PCLAF: variants seen among roughly 807,000 people sequenced by gnomAD.
PCLAF encodes the protein PCNA-associated factor.
Under a neutral mutation model 15.1 loss-of-function variants are expected in PCLAF, and 12 were observed. The observed-to-expected ratio is 0.79, with a 90% CI of 0.51 to 1.29. The LOEUF is 1.29. Ranked by LOEUF, PCLAF falls within the 50% of genes most tolerant of loss-of-function variation. The pLI is 0.00. For synonymous variants in PCLAF, 33 were observed against 47.1 expected (o/e 0.70, Z 1.22); for missense variants, 116 against 130.9 (o/e 0.89, Z 0.56).
In PCLAF at chr15:64,376,776, G is replaced by C. The variant is rs1222183466; in HGVS notation, c.257C>G (p.Ala86Gly). ...TGCTTTTCCTAAGCCACTGCTTCCT[G>C]CCTCTTCAGGAATCTGATTCTCTTT... is the stretch of plus-strand genomic sequence containing the variant. ...SEKENQIPEE[A>G]GSSGLGKAKR... The change falls in exon 3 of 4, where the codon GCA (alanine) becomes GGA (glycine). Residue 86 changes from alanine to glycine, a missense_variant. Physicochemically the swap from Ala to Gly is moderately conservative, Grantham distance 60. Transcript: ENST00000300035. 1.2e-6 allele frequency: 2 copies of C among 1,613,506 alleles called. No individual in the cohort carries two copies. Among genetic ancestry groups the C allele is most frequent in the Non-Finnish European group, 1.7e-6 (2 of 1,179,642 alleles).
chr15:64,377,563 G>A (rs1899661230), intron 2 of PCLAF, among the ~76,000 whole-genome samples: 2 of 112,300 alleles, frequency 1.8e-5, no homozygotes, highest in African/African-American at 3.4e-5. Context: ...ACATACTGAA[G>A]TTTGACACAC....
At chr15:64,382,600 A>T (rs1251900597), upstream of PCLAF, 1 of 153,344 alleles carries the variant, frequency 6.5e-6, no homozygotes, top group Non-Finnish European at 1.5e-5. Flanking sequence ...AAGGGTCATA[A>T]TTTTTTTCTA....
chr15:64,384,228 G>A (rs535010249), upstream of PCLAF, among the ~76,000 whole-genome samples: 3 of 152,100 alleles, frequency 2.0e-5, no homozygotes, highest in Non-Finnish European at 2.9e-5. Context: ...TCTGTCTCCC[G>A]GTTCAAGCAA....
chr15:64,374,072 A>G (rs1899479005), intron 3 of PCLAF, among the ~76,000 whole-genome samples: 1 of 152,152 alleles, frequency 6.6e-6, no homozygotes, highest in African/African-American at 2.4e-5. Flanking sequence ...AGGGTATGAG[A>G]AGAGGTTTTT....
At chr15:64,370,700 C>T (rs1402396544) in intron 3 of PCLAF, among the ~76,000 whole-genome samples, 1 of 151,908 alleles carries the variant, frequency 6.6e-6, no homozygotes, top group African/African-American at 2.4e-5. Context: ...GGCTTCTATA[C>T]ATCAAGGCAG....
At chr15:64,373,722 T>A in intron 3 of PCLAF, 1 of 1,535,836 alleles carries the variant, frequency 6.5e-7, no homozygotes, top group East Asian at 2.4e-5. Context: ...GTGCCGTGTG[T>A]CCAGCTTGCT....
In PCLAF at chr15:64,381,006, C is replaced by G. The variant is rs567110586; in HGVS notation, c.79G>C (p.Gly27Arg). 1 of 1,614,116 alleles carries G rather than the reference C, an allele frequency of 6.2e-7. No homozygotes were observed. The highest frequency in any genetic ancestry group is 1.3e-5 in the African/African-American group (1 of 75,048). The part of the protein sequence containing the change: ...VAARAPRKVL[G>R]SSTSATNSTS... ...GAATTAGTGGCAGAGGTGGAAGAACCAAGCACCTTTCTGGGGGCTCGAGCA... is the reference window on the plus strand; with the variant it reads ...GAATTAGTGGCAGAGGTGGAAGAACGAAGCACCTTTCTGGGGGCTCGAGCA... The change falls in exon 2 of 4, where the codon GGT (glycine) becomes CGT (arginine). Residue 27 changes from glycine to arginine, a missense_variant. By Grantham distance (125) the Gly-to-Arg change is moderately radical. Coordinates refer to ENST00000300035, the MANE Select transcript of PCLAF (RefSeq NM_014736.6).
intron 1 of PCLAF, 79 bp downstream of exon 1, chr15:64,381,247 G>C: frequency 1.3e-6 from 2 of 1,528,672 alleles, no homozygotes; most frequent in Non-Finnish European, 1.8e-6. Flanking sequence ...GGCCCAGGGG[G>C]ACCTCTGGCG....
At chr15:64,371,240 T>C (rs1279465127) in intron 3 of PCLAF, among the ~76,000 whole-genome samples, 1 of 151,052 alleles carries the variant, frequency 6.6e-6, no homozygotes, top group Non-Finnish European at 1.5e-5. Context: ...AGTGCTGGGA[T>C]TACAGGCGTG....
At chr15:64,372,388 G>C (rs926884472) in intron 3 of PCLAF, among the ~76,000 whole-genome samples, 5 of 152,102 alleles carry the variant, frequency 3.3e-5, no homozygotes, top group African/African-American at 1.2e-4. Context: ...GCCGAGGCGG[G>C]TGGATCACAA....
At chr15:64,377,040 G>T in intron 2 of PCLAF, 135 bp from the exon 3 acceptor site, 1 of 672,696 alleles carries the variant, frequency 1.5e-6, no homozygotes, top group Non-Finnish European at 2.4e-6. Flanking sequence ...ACAACTTAAA[G>T]AATTAGAAAA....
chr15:64,367,261 C>T (rs989102878), intron 3 of PCLAF, among the ~76,000 whole-genome samples: 1 of 151,914 alleles, frequency 6.6e-6, no homozygotes, highest in East Asian at 2.0e-4. Flanking sequence ...CTCAGCACTT[C>T]GGGAGGCCGA....
rs1899795238 is a variant in PCLAF at position 64,380,960 on chromosome 15, T to C, written c.125A>G (p.Lys42Arg). The change falls in exon 2 of 4, where the codon AAA becomes AGA. Residue 42 changes from lysine to arginine, a missense_variant and splice_region_variant. Lys to Arg is a conservative substitution (Grantham distance 26, BLOSUM62 2). Coordinates refer to ENST00000300035, the MANE Select transcript of PCLAF (RefSeq NM_014736.6). ...ATNSTSVSSR[K>R]AENKYAGGNP... ...AACTTTAGGAGGGCTCTTCTTACCTTTCCTCGATGAAACTGATGTCGAATT... is the reference window on the plus strand; with the variant it reads ...AACTTTAGGAGGGCTCTTCTTACCTCTCCTCGATGAAACTGATGTCGAATT... 3.7e-6 allele frequency: 6 copies of C among 1,613,976 alleles called. 1 individual carries two copies. Among genetic ancestry groups the C allele is most frequent in the Middle Eastern group, 3.3e-4 (2 of 6,060 alleles).
chr15:64,382,823 TAAAAATA>T, upstream of PCLAF: 2 of 280,854 alleles, frequency 7.1e-6, no homozygotes, highest in East Asian at 1.4e-4. Context: ...AAAATAAAAA[TAAAAATA>T]AAAAATAAAA....
exon 1 of PCLAF, chr15:64,387,448 G>T (rs1373778194): frequency 2.8e-5 from 34 of 1,234,722 alleles, no homozygotes; most frequent in Non-Finnish European, 3.3e-5. Flanking sequence ...AAAACTTACA[G>T]CGCTTACAAT....
At chr15:64,372,403 A>G (rs1299041347) in intron 3 of PCLAF, among the ~76,000 whole-genome samples, 1 of 152,020 alleles carries the variant, frequency 6.6e-6, no homozygotes, top group Admixed American at 6.6e-5. Flanking sequence ...TCACAAGGTC[A>G]GGAGATCAAG....
intron 2 of PCLAF, among the ~76,000 whole-genome samples, chr15:64,380,048 A>C (rs1330991001): frequency 1.3e-5 from 2 of 152,180 alleles, no homozygotes; most frequent in Non-Finnish European, 2.9e-5. Flanking sequence ...GGGGGCTTTT[A>C]AATAGCCTCT....
chr15:64,376,703 G>C, intron 3 of PCLAF, 40 bp downstream of exon 3: 1 of 1,544,904 alleles, frequency 6.5e-7, no homozygotes, highest in Non-Finnish European at 8.9e-7. Context: ...ACAGGCGTGA[G>C]ATAAATATTT....
Position 64,376,854 on chromosome 15 carries a change from T to C in PCLAF, c.179A>G (p.Lys60Arg), listed in dbSNP as rs994677332. 3.7e-6 allele frequency: 6 copies of C among 1,613,942 alleles called. No individual in the cohort carries two copies. The highest frequency in any genetic ancestry group is 1.6e-4 in the Middle Eastern group (1 of 6,084). ...GNPVCVRPTP[K>R]WQKGIGEFFR... is the part of the protein sequence containing the mutation. ...GAATTCTCCAATTCCTTTTTGCCAC[T>C]TGGGAGTTGGGCGCACGCAAACGGG... Residue 60 changes from lysine (K) to arginine (R), a missense_variant, in exon 3 of 4, where the codon AAG becomes AGG. Transcript: ENST00000300035.
Sources: allele counts gnomAD v4.1 joint callset (sites outside exome capture counted in the v4.1 genomes callset), GRCh38; gene constraint gnomAD v4.1.1; transcripts MANE v1.5; gene names NCBI Gene and HGNC (gene_info 2026-07-23, HGNC 2026-07-21).